The following IL1RAPL2 variants were observed in gnomAD, a reference collection of about 807,000 sequenced individuals.
IL1RAPL2 encodes the protein interleukin 1 receptor accessory protein like 2.
A neutral mutation model predicts 44.1 loss-of-function variants in IL1RAPL2; 3 were observed. The ratio of observed to expected loss-of-function variants is 0.07; its 90% confidence interval spans 0.03 to 0.18. The LOEUF (loss-of-function observed/expected upper bound fraction) is 0.18. Ranked by LOEUF, IL1RAPL2 falls within the 10% of genes least tolerant of loss-of-function variation. The pLI is 1.00. For missense variants in IL1RAPL2, 391 were observed against 496.4 expected (o/e 0.79, Z 2.02); for synonymous variants, 181 against 178.8 (o/e 1.01, Z -0.10).
At position 104,901,402 on chromosome X, in the gene IL1RAPL2, G is replaced by A. The variant is rs192985203; in HGVS notation, c.82+242407G>A. On this transcript the variant is annotated intron_variant, in intron 2 of 10. Transcript: ENST00000372582. ...ATTTTTTTGTATTTTTAGTAGAGAC[G>A]GGGTTTCACCGTGTTAGCCAGGATG... Among the ~76,000 whole-genome samples the A allele has an allele frequency of 6.2e-3, 663 of 107,440 alleles. 3 individuals carry two copies. The highest frequency in any genetic ancestry group is 0.021 in the African/African-American group (630 of 29,481). 93.3% of individuals were successfully genotyped at this position (107,440 alleles called of 115,157 possible). A position where few individuals can be genotyped will look rare whatever the true frequency, so the allele number is the denominator to read the frequency against.
Position 105,676,993 on chromosome X carries a change from A to G in IL1RAPL2, c.773-40374A>G, listed in dbSNP as rs184508482. On this transcript the variant is annotated intron_variant, in intron 6 of 10. Transcript: ENST00000372582. The stretch of plus-strand genomic sequence containing the variant: ...ATTTCATCATTTTCTGCTGTTTGCT[A>G]TGTGAAGTAAACCTCCAATTTTTTA... Among the ~76,000 whole-genome samples, 147 of 112,068 alleles carry G rather than the reference A, an allele frequency of 1.3e-3. 1 individual carries two copies. The highest frequency in any genetic ancestry group is 4.6e-3 in the African/African-American group (141 of 30,938).
At chrX:104,608,755 G>A (rs1410103392) in intron 1 of IL1RAPL2, among the ~76,000 whole-genome samples, 1 of 103,837 alleles carries the variant, frequency 9.6e-6, no homozygotes, top group Non-Finnish European at 2.0e-5. Flanking sequence ...TTGCACATGA[G>A]ATGGGTCTCC....
intron 2 of IL1RAPL2, among the ~76,000 whole-genome samples, chrX:105,153,100 C>T (rs958106123): frequency 1.8e-5 from 2 of 111,086 alleles, no homozygotes; most frequent in South Asian, 3.8e-4. Flanking sequence ...GCAAATTTGA[C>T]GTGTGTGTGT....
chrX:104,853,432 C>G (rs1922276742), intron 2 of IL1RAPL2, among the ~76,000 whole-genome samples: 1 of 110,633 alleles, frequency 9.0e-6, no homozygotes, highest in Non-Finnish European at 1.9e-5. Context: ...AGAAAAGCAT[C>G]ATGGAGGAAA....
rs751906209 is a variant in IL1RAPL2 at position 105,711,579 on chromosome X, C to T, written c.773-5788C>T. 2.7e-5 allele frequency among the ~76,000 whole-genome samples: 3 copies of T among 111,514 alleles called. No homozygotes were observed. The Admixed American group carries it at 2.9e-4, about 11-fold the overall frequency. ...CTCTTGGTCCCTCAAAACTTATATC[C>T]TTCTCACAATGCAAAATACATTCCT... is the stretch of plus-strand genomic sequence containing the variant. On this transcript the variant is annotated intron_variant, in intron 6 of 10. Transcript: ENST00000372582.
intron 2 of IL1RAPL2, among the ~76,000 whole-genome samples, chrX:104,885,539 C>T (rs997168589): frequency 2.7e-5 from 3 of 111,652 alleles, no homozygotes; most frequent in South Asian, 3.8e-4. Context: ...CCCAATCAGC[C>T]GCAGATATCA....
In IL1RAPL2 at chrX:105,087,151, A is replaced by T. The variant is rs529611215; in HGVS notation, c.83-108324A>T. ...AATCATGTGATAAACTGGAAATGGC[A>T]TAAGTTTTGGTATAGAGAAAACTAA... On this transcript the variant is annotated intron_variant, in intron 2 of 10. Transcript: ENST00000372582. Among the ~76,000 whole-genome samples the T allele has an allele frequency of 1.6e-4, 18 of 111,662 alleles. 1 individual carries two copies. The South Asian group carries it at 6.8e-3, about 42-fold the overall frequency.
At position 105,243,327 on chromosome X, in the gene IL1RAPL2, G is replaced by A. The variant is rs140760618; in HGVS notation, c.543+9323G>A. Reference sequence around the variant, plus strand: ...CTCTCTCTCTTTCCTGTTACCTTGTGAAGACGTGCCTTGTTTCCCCTTCAT... The same window carrying A: ...CTCTCTCTCTTTCCTGTTACCTTGTAAAGACGTGCCTTGTTTCCCCTTCAT... On this transcript the variant is annotated intron_variant, in intron 4 of 10. Coordinates refer to ENST00000372582, the MANE Select transcript of IL1RAPL2 (RefSeq NM_017416.2). Among the ~76,000 whole-genome samples, 228 of 109,137 alleles carry A rather than the reference G, an allele frequency of 2.1e-3. 4 individuals are homozygous for A. The East Asian group carries it at 0.027, about 13-fold the overall frequency. The allele number at this position is 109,137 out of a possible 115,157, so 94.8% of individuals were successfully genotyped here.
At chrX:104,634,570 G>A (rs1929746460) in intron 1 of IL1RAPL2, among the ~76,000 whole-genome samples, 1 of 112,038 alleles carries the variant, frequency 8.9e-6, no homozygotes, top group Admixed American at 9.5e-5. Context: ...AGCTCTTCTT[G>A]TTGAATTGAT....
chrX:105,141,682 A>G (rs1188303286), intron 2 of IL1RAPL2, among the ~76,000 whole-genome samples: 1 of 112,024 alleles, frequency 8.9e-6, no homozygotes, highest in Admixed American at 9.5e-5. Flanking sequence ...TTTTCTTTGC[A>G]TAAAATTAAC....
chrX:105,621,661 G>A (rs2037419414), intron 6 of IL1RAPL2, among the ~76,000 whole-genome samples: 1 of 111,419 alleles, frequency 9.0e-6, no homozygotes, highest in South Asian at 3.7e-4. Context: ...AGGCAGGCAT[G>A]TGTTAGTCAA....
chrX:105,306,881 A>T (rs1055672505), intron 5 of IL1RAPL2, among the ~76,000 whole-genome samples: 2 of 110,909 alleles, frequency 1.8e-5, no homozygotes, highest in African/African-American at 6.6e-5. Context: ...CTATAAAGAA[A>T]TTTTTGACAC....
chrX:105,721,822 C>T (rs764271050), intron 7 of IL1RAPL2, among the ~76,000 whole-genome samples: 7 of 111,854 alleles, frequency 6.3e-5, no homozygotes, highest in Non-Finnish European at 1.3e-4. Flanking sequence ...TTAGCAGTGA[C>T]GGAAAGTTCC....
intron 5 of IL1RAPL2, among the ~76,000 whole-genome samples, chrX:105,412,732 G>T (rs1400822592): frequency 8.9e-6 from 1 of 111,765 alleles, no homozygotes; most frequent in Non-Finnish European, 1.9e-5. Context: ...ATGATGTGAT[G>T]AATATGCTAA....
intron 9 of IL1RAPL2, among the ~76,000 whole-genome samples, chrX:105,751,549 T>C (rs2038597710): frequency 8.9e-6 from 1 of 111,756 alleles, no homozygotes; most frequent in Non-Finnish European, 1.9e-5. Flanking sequence ...GCAATGTGGC[T>C]CATGGTTTCA....
chrX:105,761,731 T>C (rs2038689886), intron 10 of IL1RAPL2, among the ~76,000 whole-genome samples: 1 of 112,230 alleles, frequency 8.9e-6, no homozygotes. Flanking sequence ...TGTGCATAAC[T>C]GTGAATTTAA....
At chrX:104,919,067 C>T (rs958066810) in intron 2 of IL1RAPL2, among the ~76,000 whole-genome samples, 3 of 111,011 alleles carry the variant, frequency 2.7e-5, no homozygotes, top group Non-Finnish European at 3.8e-5. Flanking sequence ...ACTAGATCTA[C>T]GTATGTAACA....
At chrX:105,435,824 T>C (rs963077451) in intron 5 of IL1RAPL2, among the ~76,000 whole-genome samples, 4 of 110,939 alleles carry the variant, frequency 3.6e-5, no homozygotes, top group Non-Finnish European at 7.5e-5. Context: ...TTCTCACTCA[T>C]AAGTGGCAAT....
intron 2 of IL1RAPL2, among the ~76,000 whole-genome samples, chrX:104,717,349 T>C (rs1334157799): frequency 9.2e-6 from 1 of 108,769 alleles, no homozygotes; most frequent in Non-Finnish European, 1.9e-5. Flanking sequence ...TGAAATAATC[T>C]GTATAGCAAA....
Sources: allele counts gnomAD v4.1 joint callset (sites outside exome capture counted in the v4.1 genomes callset), GRCh38; gene constraint gnomAD v4.1.1; transcripts MANE v1.5; gene names NCBI Gene and HGNC (gene_info 2026-07-23, HGNC 2026-07-21).